The following VAV2 variants were observed in gnomAD, a reference collection of about 807,000 sequenced individuals.
VAV2 encodes vav guanine nucleotide exchange factor 2, also known as guanine nucleotide exchange factor VAV2.
VAV2 carries 67 observed loss-of-function variants against 132.5 expected under a neutral mutation model. The observed-to-expected ratio is 0.51, with a 90% CI of 0.42 to 0.62. VAV2 has a LOEUF of 0.62. Among genes scored for constraint, VAV2 ranks in the 20% least tolerant of loss-of-function variants. VAV2 has a pLI of 0.00. For missense variants in VAV2, 938 were observed against 1,153.6 expected, an observed-to-expected ratio of 0.81 and a Z score of 2.71; for synonymous variants, 492 against 443.5, an observed-to-expected ratio of 1.11 and a Z score of -1.37.
chr9:133,932,013 G>A (rs535739099), intron 2 of VAV2, among the ~76,000 whole-genome samples: 18 of 152,280 alleles, frequency 1.2e-4, no homozygotes, highest in East Asian at 7.7e-4. Flanking sequence ...GTCCCAGCTC[G>A]CAATGAGATC....
rs535953724 is a variant in VAV2 at position 133,935,938 on chromosome 9, C to T, written c.321+3165G>A. 6.6e-5 allele frequency among the ~76,000 whole-genome samples: 10 copies of T among 152,354 alleles called. No homozygotes were observed. The highest frequency in any genetic ancestry group is 5.2e-4 in the Admixed American group (8 of 15,310). ...CCTGACACACCACAGGCCACATTCA[C>T]GCGGGCTCCAGGAGGCAAAGGGCAT... On this transcript the variant is annotated intron_variant, in intron 2 of 29. Transcript: ENST00000371850. This position sits in a 1 kb window ranked among gnomAD's most constrained non-coding sequence, Gnocchi z 5.2.
At chr9:133,938,674 G>T (rs1841016147) in intron 2 of VAV2, among the ~76,000 whole-genome samples, 1 of 152,082 alleles carries the variant, frequency 6.6e-6, no homozygotes, top group African/African-American at 2.4e-5. Flanking sequence ...GCACACAGTA[G>T]GCGCTTTCCC....
At position 133,972,772 on chromosome 9, in the gene VAV2, G is replaced by A. The variant is rs756189015; in HGVS notation, c.204+19303C>T. Among the ~76,000 whole-genome samples the A allele has an allele frequency of 8.5e-5, 13 of 152,240 alleles. No individual in the cohort carries two copies. In the South Asian group the frequency reaches 2.1e-3, roughly 24 times the overall value. ...CCTCCTCCCACCCACTCCTGGAGGC[G>A]TCAGGCAGAAATGATGGCCCCACTT... On this transcript the variant is annotated intron_variant, in intron 1 of 29. Transcript: ENST00000371850.
chr9:133,821,584 G>A (rs558618426), intron 4 of VAV2, among the ~76,000 whole-genome samples: 2 of 152,314 alleles, frequency 1.3e-5, no homozygotes, highest in Middle Eastern at 3.4e-3. Context: ...CTCATTCAAT[G>A]AGACGGCATT....
intron 2 of VAV2, among the ~76,000 whole-genome samples, chr9:133,915,977 TCA>T (rs1225657065): frequency 6.4e-5 from 7 of 108,942 alleles, no homozygotes; most frequent in Admixed American, 3.2e-4. Flanking sequence ...ACATACACAC[TCA>T]CACGATGCAC....
In VAV2 at chr9:133,812,198, C is replaced by T. The variant is rs546183608; in HGVS notation, c.468G>A (p.Glu156=). The T allele has an allele frequency of 6.2e-7, 1 of 1,613,908 alleles. No individual in the cohort carries two copies. The highest frequency in any genetic ancestry group is 8.5e-7 in the Non-Finnish European group (1 of 1,180,016). ...EELADEHDLG[E]DIYDCVPCED... is the part of the protein sequence containing the mutation. ...CACACGGGACGCAGTCGTAGATGTC[C>T]TCCCCCAGGTCATGCTCGCTGCACA... Residue 156 remains glutamate (E), a synonymous_variant, in exon 5 of 30, where the codon GAG becomes GAA. Coordinates refer to ENST00000371850, the MANE Select transcript of VAV2 (RefSeq NM_001134398.2).
At chr9:133,777,634 C>A (rs1248940294) in intron 22 of VAV2, among the ~76,000 whole-genome samples, 171 bp from the exon 23 acceptor site, 4 of 152,122 alleles carry the variant, frequency 2.6e-5, no homozygotes, top group African/African-American at 9.7e-5. Context: ...CAGGGAGGTG[C>A]AGGGCCTCCC....
chr9:133,860,442 C>T (rs368596073), intron 3 of VAV2, among the ~76,000 whole-genome samples: 1 of 152,248 alleles, frequency 6.6e-6, no homozygotes, highest in East Asian at 1.9e-4. Context: ...CCTCTGTGAA[C>T]CTGAGCAAAT....
At chr9:133,897,229 G>A (rs10993844) in intron 2 of VAV2, among the ~76,000 whole-genome samples, 14 of 152,044 alleles carry the variant, frequency 9.2e-5, no homozygotes, top group East Asian at 5.8e-4. Context: ...GAAGAAAGCC[G>A]CTCCTTTGAG....
intron 2 of VAV2, among the ~76,000 whole-genome samples, chr9:133,914,448 C>T (rs746089228): frequency 2.0e-5 from 3 of 150,008 alleles, no homozygotes; most frequent in Non-Finnish European, 4.4e-5. Flanking sequence ...GAAGAAGGAA[C>T]GAAGCGCTGA....
chr9:133,982,581 A>T (rs1006346960), intron 1 of VAV2, among the ~76,000 whole-genome samples: 1 of 151,706 alleles, frequency 6.6e-6, no homozygotes, highest in Non-Finnish European at 1.5e-5. Context: ...GCGGGGCAGG[A>T]GGGCGCGGCA....
intron 21 of VAV2, among the ~76,000 whole-genome samples, chr9:133,779,328 G>A (rs376444437): frequency 6.6e-6 from 1 of 152,348 alleles, no homozygotes; most frequent in East Asian, 1.9e-4. Context: ...GGAATGTGGA[G>A]GCTGCTCTTA....
At chr9:133,915,775 C>T (rs1462870634) in intron 2 of VAV2, among the ~76,000 whole-genome samples, 2 of 150,298 alleles carry the variant, frequency 1.3e-5, no homozygotes, top group East Asian at 2.0e-4. Context: ...ACACAATGCA[C>T]ACACGCACAC....
intron 4 of VAV2, 64 bp from the exon 5 acceptor site, chr9:133,812,280 A>AGAGCACGAGG: frequency 6.5e-7 from 1 of 1,535,092 alleles, no homozygotes; most frequent in Admixed American, 1.7e-5. Flanking sequence ...GGGGAGCCGC[A>AGAGCACGAGG]GAGCACGAGG....
intron 2 of VAV2, among the ~76,000 whole-genome samples, chr9:133,903,709 G>A (rs1213432673): frequency 5.3e-5 from 8 of 152,124 alleles, no homozygotes; most frequent in Non-Finnish European, 1.2e-4. Flanking sequence ...TCTCACAAGC[G>A]TGGGCGTCAC....
chr9:133,789,146 G>T, intron 14 of VAV2, 112 bp downstream of exon 14: 1 of 1,153,930 alleles, frequency 8.7e-7, no homozygotes, highest in Non-Finnish European at 1.2e-6. Flanking sequence ...CCGCCAGGCA[G>T]CTCTTTCCAC....
At chr9:133,876,853 T>A (rs1838285802) in intron 2 of VAV2, among the ~76,000 whole-genome samples, 1 of 152,130 alleles carries the variant, frequency 6.6e-6, no homozygotes, top group African/African-American at 2.4e-5. Flanking sequence ...ACCATCTCTG[T>A]CCTTTCTGCC....
chr9:133,934,722 G>A (rs975424422), intron 2 of VAV2, among the ~76,000 whole-genome samples: 5 of 152,172 alleles, frequency 3.3e-5, no homozygotes, highest in East Asian at 3.9e-4. Flanking sequence ...TTGGGACTGG[G>A]GCCAAGCCCT....
At chr9:133,864,140 C>T (rs780067162) in intron 2 of VAV2, among the ~76,000 whole-genome samples, 2 of 152,232 alleles carry the variant, frequency 1.3e-5, no homozygotes, top group Non-Finnish European at 2.9e-5. Context: ...TCGTCTGTTC[C>T]GAGTCCCAGT....
Sources: gnomAD v4.1 joint callset for allele counts (sites outside exome capture counted in the v4.1 genomes callset) on GRCh38, gnomAD v4.1.1 for gene constraint, Gnocchi (gnomAD v3.1) non-coding constraint, MANE v1.5 for transcripts, NCBI Gene and HGNC (gene_info 2026-07-23, HGNC 2026-07-21) for gene names.